C3orf33: variants seen among roughly 807,000 people sequenced by gnomAD.
C3orf33 encodes the protein mitochondrial inner membrane subdomain organizer 1.
C3orf33 carries 23 observed loss-of-function variants against 28.7 expected under a neutral mutation model. The observed-to-expected ratio is 0.80, with a 90% CI of 0.58 to 1.13. The LOEUF (loss-of-function observed/expected upper bound fraction) is 1.13, where lower values mean the gene tolerates loss of function less well. C3orf33 is among the 50% of genes most tolerant of loss of function. The pLI is 0.00. For synonymous variants in C3orf33, 119 were observed against 120.5 expected (o/e 0.99, Z 0.08); for missense variants, 327 against 353.4 (o/e 0.93, Z 0.60).
rs554312283 is a variant in C3orf33, at chr3:155,803,902, G to A, written c.115-1311C>T. 1.7e-4 allele frequency: 27 copies of A among 159,526 alleles called. No homozygotes were observed. In the South Asian group the frequency reaches 4.3e-3, roughly 25 times the overall value. The allele number at this position is 159,526 out of a possible 1,614,324, so 9.9% of individuals were successfully genotyped here. On this transcript the variant is annotated intron_variant, in intron 1 of 4. Coordinates refer to ENST00000340171, the MANE Select transcript of C3orf33 (RefSeq NM_001308229.2). ...GTCTCAAAGGAAAAAAGAGGCCGGCGCAGTGGCTCATGCCTGTAATTCCAG... is the reference window on the plus strand; with the variant it reads ...GTCTCAAAGGAAAAAAGAGGCCGGCACAGTGGCTCATGCCTGTAATTCCAG...
chr3:155,764,185 A>T (rs1023023828), intron 4 of C3orf33, among the ~76,000 whole-genome samples: 10 of 152,194 alleles, frequency 6.6e-5, no homozygotes, highest in African/African-American at 2.4e-4. Context: ...AGAGGTGAGG[A>T]AGCAATAAAG....
chr3:155,767,474 T>G, intron 4 of C3orf33, 35 bp downstream of exon 4: 1 of 1,413,382 alleles, frequency 7.1e-7, no homozygotes, highest in African/African-American at 1.4e-5. Flanking sequence ...ATAAGAAGAA[T>G]AAGATATTGC....
chr3:155,767,528 CA>C lies in C3orf33; in HGVS notation c.463del (p.Cys155AlafsTer5). ...GCTTACCTTACTCACCAGAAGATAGCAAAAGAGTGCTGAATTCTCCTTTCCA... is the reference window on the plus strand; with the variant it reads ...GCTTACCTTACTCACCAGAAGATAGCAAAGAGTGCTGAATTCTCCTTTCCA... ...LLGKENSALF[C>X]YLLVSKGGYF... is the part of the protein sequence containing the mutation. On this transcript the variant is annotated frameshift_variant, in exon 4 of 5. Coordinates refer to ENST00000340171, the MANE Select transcript of C3orf33 (RefSeq NM_001308229.2). LOFTEE classifies it high-confidence loss of function. 6.4e-7 allele frequency: 1 copy of C among 1,572,744 alleles called. No homozygotes were observed. Among genetic ancestry groups the C allele is most frequent in the Non-Finnish European group, 8.7e-7 (1 of 1,154,768 alleles).
chr3:155,765,135 T>C (rs1037203351), intron 4 of C3orf33, among the ~76,000 whole-genome samples: 1 of 152,198 alleles, frequency 6.6e-6, no homozygotes, highest in African/African-American at 2.4e-5. Context: ...GTGTATAGCA[T>C]AGTTTGGTCA....
chr3:155,799,566 G>A (rs1299798837), intron 2 of C3orf33, among the ~76,000 whole-genome samples: 1 of 152,104 alleles, frequency 6.6e-6, no homozygotes, highest in East Asian at 1.9e-4. Context: ...GCTCACACCT[G>A]TGGTCCCAGC....
chr3:155,783,444 C>T (rs187933720), intron 2 of C3orf33, among the ~76,000 whole-genome samples: 6 of 149,764 alleles, frequency 4.0e-5, no homozygotes, highest in Non-Finnish European at 7.4e-5. Flanking sequence ...CATGAGCCAC[C>T]GCACCCAGCA....
rs888056600 is a variant in C3orf33, at chr3:155,793,302, C to T, written c.174+9230G>A. Among the ~76,000 whole-genome samples the T allele has an allele frequency of 7.0e-5, 10 of 143,742 alleles. No homozygotes were observed. The South Asian group carries it at 2.2e-3, about 31-fold the overall frequency. The allele number at this position is 143,742 out of a possible 152,430, so 94.3% of individuals were successfully genotyped here. A position where few individuals can be genotyped will look rare whatever the true frequency, so the allele number is the denominator to read the frequency against. On this transcript the variant is annotated intron_variant, in intron 2 of 4. Transcript: ENST00000340171. ...AAGGAGAAATACTCTCCTAGACAAA[C>T]AAAAGCTGAGGGACTTCCTCAACAC...
intron 2 of C3orf33, among the ~76,000 whole-genome samples, chr3:155,802,046 C>T (rs1369352474): frequency 6.6e-6 from 1 of 152,148 alleles, no homozygotes; most frequent in South Asian, 2.1e-4. Flanking sequence ...GCCACCGCCC[C>T]GCCCCCTGGA....
rs573307670 is a variant in C3orf33 at position 155,764,733 on chromosome 3, G to A, written c.484-815C>T. 5.3e-5 allele frequency among the ~76,000 whole-genome samples: 8 copies of A among 152,014 alleles called. No homozygotes were observed. The East Asian group carries it at 7.7e-4, about 15-fold the overall frequency. On this transcript the variant is annotated intron_variant, in intron 4 of 4. Transcript: ENST00000340171. ...TAGCCGGGTGCGATGGCAGGTGCCT[G>A]TAATCCCAGCCACTCAGAAGGCTGA...
At chr3:155,801,861 G>A (rs1751660370) in intron 2 of C3orf33, among the ~76,000 whole-genome samples, 2 of 151,954 alleles carry the variant, frequency 1.3e-5, no homozygotes, top group African/African-American at 2.4e-5. Flanking sequence ...AGTGATTCTC[G>A]TGCCTCAGCC....
chr3:155,788,876 TAGA>T (rs1374178416), intron 2 of C3orf33, among the ~76,000 whole-genome samples: 4 of 152,082 alleles, frequency 2.6e-5, no homozygotes, highest in Non-Finnish European at 2.9e-5. Context: ...TAAAATAGAA[TAGA>T]AGAATTTAAA....
At chr3:155,782,746 A>C (rs1750964765) in intron 2 of C3orf33, among the ~76,000 whole-genome samples, 1 of 152,238 alleles carries the variant, frequency 6.6e-6, no homozygotes. Flanking sequence ...AAATGCTAAA[A>C]CTAGTGCTAC....
rs749381934 is a variant in C3orf33 at position 155,763,500 on chromosome 3, T to C, written c.*17A>G. 4.1e-5 allele frequency: 60 copies of C among 1,463,666 alleles called. 1 individual carries two copies. The South Asian group carries it at 5.3e-4, about 13-fold the overall frequency. The allele number at this position is 1,463,666 out of a possible 1,614,324, so 90.7% of individuals were successfully genotyped here. A position where few individuals can be genotyped will look rare whatever the true frequency, so the allele number is the denominator to read the frequency against. ...TTCACTCTTTGGAGAAGGTTACCTC[T>C]AGATTTCTTGACCGTTTCACCCTTT... On this transcript the variant is annotated 3_prime_UTR_variant, in exon 5 of 5. Transcript: ENST00000340171.
At chr3:155,781,471 T>G (rs1750920662) in intron 2 of C3orf33, among the ~76,000 whole-genome samples, 2 of 152,062 alleles carry the variant, frequency 1.3e-5, no homozygotes, top group Admixed American at 1.3e-4. Context: ...CACTATTACT[T>G]AAAAATAGTG....
intron 2 of C3orf33, among the ~76,000 whole-genome samples, chr3:155,800,434 T>C (rs1220009263): frequency 6.6e-6 from 1 of 151,308 alleles, no homozygotes; most frequent in Non-Finnish European, 1.5e-5. Context: ...AGAGGCGCCA[T>C]TGCTACAGAA....
intron 3 of C3orf33, among the ~76,000 whole-genome samples, chr3:155,771,693 G>A (rs1284260687): frequency 6.6e-6 from 1 of 152,154 alleles, no homozygotes; most frequent in East Asian, 1.9e-4. Flanking sequence ...CACCACACCT[G>A]GTCTTTGATT....
At position 155,781,425 on chromosome 3, in the gene C3orf33, C is replaced by G. The variant is rs139704791; in HGVS notation, c.175-5577G>C. Among the ~76,000 whole-genome samples the G allele has an allele frequency of 8.4e-4, 128 of 152,176 alleles. 2 individuals carry two copies. In the East Asian group the frequency reaches 0.017, roughly 20 times the overall value. ...CACTTAATGTTTCAATGTTCTCTTC[C>G]TAGCACCTAGCTTGCCCTTCTCATC... On this transcript the variant is annotated intron_variant, in intron 2 of 4. Coordinates refer to ENST00000340171, the MANE Select transcript of C3orf33 (RefSeq NM_001308229.2).
intron 2 of C3orf33, among the ~76,000 whole-genome samples, chr3:155,790,000 C>CA (rs1335807307): frequency 6.6e-6 from 1 of 151,194 alleles, no homozygotes; most frequent in African/African-American, 2.4e-5. Context: ...CCATCTGTAC[C>CA]AAAAAATACA....
Position 155,802,602 on chromosome 3 carries a change from A to G in C3orf33, c.115-11T>C. 6.3e-7 allele frequency: 1 copy of G among 1,586,470 alleles called. No individual in the cohort carries two copies. The highest frequency in any genetic ancestry group is 8.5e-7 in the Non-Finnish European group (1 of 1,170,914). ...TCCAGTGCTGATGTTCTACAGAAAGAGATTTAAGGGTTAACCCTCACTAAT... is the reference window on the plus strand; with the variant it reads ...TCCAGTGCTGATGTTCTACAGAAAGGGATTTAAGGGTTAACCCTCACTAAT... On this transcript the variant is annotated splice_polypyrimidine_tract_variant and intron_variant, in intron 1 of 4. Transcript: ENST00000340171.
Sources: allele counts gnomAD v4.1 joint callset (sites outside exome capture counted in the v4.1 genomes callset), GRCh38; gene constraint gnomAD v4.1.1; transcripts MANE v1.5; gene names NCBI Gene and HGNC (gene_info 2026-07-23, HGNC 2026-07-21).